ASTN2: variants seen among roughly 807,000 people sequenced by gnomAD.
ASTN2 encodes astrotactin-2.
In ASTN2, 54 loss-of-function variants were observed where a neutral mutation model predicts 139.8. That is an observed-to-expected ratio of 0.39 (90% CI 0.31 to 0.48). ASTN2 has a LOEUF of 0.48. ASTN2 is among the 20% of genes least tolerant of loss of function. The pLI is 0.95. For synonymous variants in ASTN2, 756 were observed against 719.5 expected, an observed-to-expected ratio of 1.05 and a Z score of -0.81; for missense variants, 1,565 against 1,725.1, an observed-to-expected ratio of 0.91 and a Z score of 1.64.
intron 2 of ASTN2, among the ~76,000 whole-genome samples, chr9:117,281,356 C>T (rs1187277411): frequency 2.0e-5 from 3 of 152,180 alleles, no homozygotes; most frequent in African/African-American, 7.2e-5. Context: ...AAGTCCTCAT[C>T]TGTCTTGTCT....
intron 22 of ASTN2, among the ~76,000 whole-genome samples, chr9:116,430,861 G>A (rs1307789143): frequency 6.6e-6 from 1 of 152,234 alleles, no homozygotes; most frequent in Non-Finnish European, 1.5e-5. Flanking sequence ...AGGCAAAAAT[G>A]CTGGCTAATA....
intron 5 of ASTN2, among the ~76,000 whole-genome samples, chr9:117,061,402 TC>T (rs1839287024): frequency 2.5e-5 from 1 of 39,276 alleles, no homozygotes; most frequent in African/African-American, 9.8e-5. Flanking sequence ...GCTCTTTTTT[TC>T]CTCCATTTTT....
chr9:117,025,988 C>T (rs1012674821), intron 6 of ASTN2, among the ~76,000 whole-genome samples: 11 of 152,028 alleles, frequency 7.2e-5, no homozygotes, highest in Admixed American at 7.2e-4. Flanking sequence ...TGGTCTCGAA[C>T]TCCTGACCTC....
chr9:116,445,915 G>C (rs1174485056), intron 20 of ASTN2, among the ~76,000 whole-genome samples: 1 of 152,172 alleles, frequency 6.6e-6, no homozygotes, highest in Non-Finnish European at 1.5e-5. Context: ...GGGGGGTGGA[G>C]AAAGAGGAAG....
chr9:117,404,201 T>A lies in ASTN2; in HGVS notation c.442+10296A>T, dbSNP rs1315695109. Among the ~76,000 whole-genome samples the A allele has an allele frequency of 3.3e-5, 5 of 152,302 alleles. No homozygotes were observed. In the South Asian group the frequency reaches 6.2e-4, roughly 19 times the overall value. On this transcript the variant is annotated intron_variant, in intron 1 of 22. Coordinates refer to ENST00000313400, the MANE Select transcript of ASTN2 (RefSeq NM_001365068.1). ...TGTGGTTATGGAGGGCTCTCCAAAA[T>A]TAAGTGACTATTATGTTTTCTTCAT...
At chr9:117,018,846 AG>A (rs1837792264) in intron 6 of ASTN2, among the ~76,000 whole-genome samples, 2 of 152,180 alleles carry the variant, frequency 1.3e-5, no homozygotes. Flanking sequence ...TAGAAATACC[AG>A]TAGAGGGTAG....
intron 5 of ASTN2, among the ~76,000 whole-genome samples, chr9:117,060,410 GAAGGA>G (rs1564406470): frequency 0.049 from 2,533 of 51,620 alleles, 100 homozygotes; most frequent in African/African-American, 0.094. Context: ...AAGAAAGAAA[GAAGGA>G]AAGGAAGGAA....
intron 19 of ASTN2, chr9:116,552,172 T>C (rs2119408604): frequency 6.6e-6 from 1 of 152,322 alleles, no homozygotes; most frequent in Non-Finnish European, 1.5e-5. Flanking sequence ...CTACAACTCC[T>C]TCTTCATGGG....
At chr9:117,029,557 G>T (rs930383306) in intron 6 of ASTN2, among the ~76,000 whole-genome samples, 3 of 151,962 alleles carry the variant, frequency 2.0e-5, no homozygotes, top group African/African-American at 7.2e-5. Flanking sequence ...TATTGACTTG[G>T]CATGTCCCAC....
chr9:117,091,633 A>C (rs1828708912), intron 5 of ASTN2, among the ~76,000 whole-genome samples: 1 of 151,974 alleles, frequency 6.6e-6, no homozygotes. Flanking sequence ...AAATGTTGTG[A>C]AGGCTGTGGC....
intron 10 of ASTN2, among the ~76,000 whole-genome samples, chr9:116,968,997 T>C (rs1836102638): frequency 6.6e-6 from 1 of 152,198 alleles, no homozygotes; most frequent in Admixed American, 6.5e-5. Context: ...GGGTTTTTCT[T>C]ATCCAACATC....
chr9:117,207,078 T>C (rs990069284), intron 3 of ASTN2, among the ~76,000 whole-genome samples: 3 of 152,014 alleles, frequency 2.0e-5, no homozygotes, highest in Non-Finnish European at 2.9e-5. Flanking sequence ...TTCCCTAGGC[T>C]GGCCAGGCAG....
intron 2 of ASTN2, among the ~76,000 whole-genome samples, chr9:117,229,421 G>T (rs1341233618): frequency 6.6e-6 from 1 of 152,200 alleles, no homozygotes; most frequent in East Asian, 1.9e-4. Flanking sequence ...GCTCCAGCTG[G>T]GCTACCCAAG....
At chr9:116,987,885 T>C (rs1179960861) in intron 7 of ASTN2, among the ~76,000 whole-genome samples, 2 of 152,222 alleles carry the variant, frequency 1.3e-5, no homozygotes, top group Admixed American at 6.5e-5. Flanking sequence ...AGATGGCTAC[T>C]AAGTGATGAC....
At position 116,837,545 on chromosome 9, in the gene ASTN2, A is replaced by T. The variant is rs556110821; in HGVS notation, c.2041-16762T>A. Among the ~76,000 whole-genome samples the T allele has an allele frequency of 6.6e-5, 10 of 152,260 alleles. No homozygotes were observed. In the East Asian group the frequency reaches 1.7e-3, roughly 26 times the overall value. On this transcript the variant is annotated intron_variant, in intron 11 of 22. Transcript: ENST00000313400. ...TTGCTGCTTCCTAGCTCGACTTTTC[A>T]TCATCACCAAGCCATTTGTTTCTGT...
chr9:117,065,418 C>G (rs888808592), intron 5 of ASTN2, among the ~76,000 whole-genome samples: 2 of 152,160 alleles, frequency 1.3e-5, no homozygotes, highest in East Asian at 1.9e-4. Context: ...TAGCCTCCAG[C>G]CTGTGTGGAA....
At chr9:117,387,861 A>G (rs1830440225) in intron 1 of ASTN2, among the ~76,000 whole-genome samples, 1 of 152,106 alleles carries the variant, frequency 6.6e-6, no homozygotes, top group Non-Finnish European at 1.5e-5. Flanking sequence ...TACTTCCATG[A>G]TCACCCTCAC....
At chr9:116,486,955 G>C (rs1849359677) in intron 20 of ASTN2, among the ~76,000 whole-genome samples, 1 of 152,082 alleles carries the variant, frequency 6.6e-6, no homozygotes, top group Admixed American at 6.6e-5. Flanking sequence ...GTCTGTATGT[G>C]TCTATATATC....
chr9:116,764,472 G>A lies in ASTN2; in HGVS notation c.2397-30949C>T, dbSNP rs888033808. ...CCTTCTGCCCTGTCCCTTCCAAGGT[G>A]TCAATACCAAAGCCACTCCTTAAAA... On this transcript the variant is annotated intron_variant, in intron 13 of 22. Transcript: ENST00000313400. 2.6e-5 allele frequency among the ~76,000 whole-genome samples: 4 copies of A among 152,116 alleles called. No homozygotes were observed. In the South Asian group the frequency reaches 8.3e-4, roughly 32 times the overall value.
Sources: allele counts gnomAD v4.1 joint callset (sites outside exome capture counted in the v4.1 genomes callset), GRCh38; gene constraint gnomAD v4.1.1; transcripts MANE v1.5; gene names NCBI Gene and HGNC (gene_info 2026-07-23, HGNC 2026-07-21).